The following MAP3K6 variants were observed in gnomAD, a reference collection of about 807,000 sequenced individuals.
MAP3K6 encodes the protein apoptosis signal-regulating kinase 2.
Under a neutral mutation model 147.1 loss-of-function variants are expected in MAP3K6, and 105 were observed. The observed-to-expected ratio is 0.71, with a 90% CI of 0.61 to 0.84. MAP3K6 has a LOEUF of 0.84. MAP3K6 is among the 40% of genes least tolerant of loss of function. MAP3K6 has a pLI of 0.00. For synonymous variants in MAP3K6, 695 were observed against 732.4 expected (o/e 0.95, Z 0.82); for missense variants, 1,569 against 1,715.0 (o/e 0.91, Z 1.50).
chr1:27,363,971 C>G lies in MAP3K6; in HGVS notation c.810G>C (p.Glu270Asp). Reference protein sequence around the residue: ...ARLQRRLDSVELLSPDIIMNL... With the variant: ...ARLQRRLDSVDLLSPDIIMNL... Reference sequence around the variant, plus strand: ...TCATGATGATGTCGGGGCTCAGCAGCTCCACGCTGTCCAGTCTCCGCTGCA... The same window carrying G: ...TCATGATGATGTCGGGGCTCAGCAGGTCCACGCTGTCCAGTCTCCGCTGCA... The change falls in exon 5 of 29, where the codon GAG (glutamate) becomes GAC (aspartate). Residue 270 changes from glutamate to aspartate, a missense_variant. Physicochemically the swap from Glu to Asp is conservative, Grantham distance 45. Transcript: ENST00000357582. 1 of 1,610,232 alleles carries G rather than the reference C, an allele frequency of 6.2e-7. No homozygotes were observed. Among genetic ancestry groups the G allele is most frequent in the Non-Finnish European group, 8.5e-7 (1 of 1,179,804 alleles).
At position 27,364,623 on chromosome 1, in the gene MAP3K6, C is replaced by T. The variant is rs764180606; in HGVS notation, c.504+38G>A. 17 of 1,613,992 alleles carry T rather than the reference C, an allele frequency of 1.1e-5. No homozygotes were observed. The highest frequency in any genetic ancestry group is 8.5e-7 in the Non-Finnish European group (1 of 1,180,002). On this transcript the variant is annotated intron_variant, in intron 3 of 28. Coordinates refer to ENST00000357582, the MANE Select transcript of MAP3K6 (RefSeq NM_004672.5). This position sits in a 1 kb window ranked among gnomAD's most constrained non-coding sequence, Gnocchi z 4.4. ...GGAGGTCAGAGGTCATAGCGGAAGT[C>T]AAAGGGCACTTTTGAGTGAGAGGTG...
intron 24 of MAP3K6, 74 bp downstream of exon 24, chr1:27,356,935 C>T (rs1402161763): frequency 2.6e-6 from 4 of 1,512,980 alleles, no homozygotes; most frequent in African/African-American, 1.4e-5. Flanking sequence ...CCCCACCGGC[C>T]CCATTCGATG....
rs745966999 is a variant in MAP3K6, at chr1:27,355,675, C to T, written c.3782G>A (p.Arg1261His). The change falls in exon 28 of 29, where the codon CGC (arginine) becomes CAC (histidine). Residue 1261 changes from arginine (R) to histidine (H), a missense_variant. By Grantham distance (29) the Arg-to-His change is conservative. Coordinates refer to ENST00000357582, the MANE Select transcript of MAP3K6 (RefSeq NM_004672.5). Reference protein sequence around the residue: ...YATRDDLIYTRIRGGMVCRIW... With the variant: ...YATRDDLIYTHIRGGMVCRIW... ...TGGGGGGCCCAGGATGTACCTGATG[C>T]GGGTGTAGATGAGGTCATCTCGAGT... 10 of 1,613,440 alleles carry T rather than the reference C, an allele frequency of 6.2e-6. No individual in the cohort carries two copies. Among genetic ancestry groups the T allele is most frequent in the Middle Eastern group, 1.7e-4 (1 of 5,724 alleles).
At position 27,366,347 on chromosome 1, in the gene MAP3K6, C is replaced by CG; in HGVS notation, c.250dup (p.Arg84ProfsTer54). On this transcript the variant is annotated frameshift_variant, in exon 1 of 29. Coordinates refer to ENST00000357582, the MANE Select transcript of MAP3K6 (RefSeq NM_004672.5). LOFTEE classifies it high-confidence loss of function. The surrounding 1 kb of genome is among the most constrained non-coding windows in gnomAD (Gnocchi z 5.5). ...GCGCAGCTGCGGGGGCGGCCGCGGC[C>CG]GGGGGACCTGCGCGCAAGCCTCGCG... 7.8e-7 allele frequency: 1 copy of CG among 1,285,072 alleles called. No individual in the cohort carries two copies. Among genetic ancestry groups the CG allele is most frequent in the Non-Finnish European group, 9.8e-7 (1 of 1,017,644 alleles). 79.6% of individuals were successfully genotyped at this position (1,285,072 alleles called of 1,614,324 possible). A position where few individuals can be genotyped will look rare whatever the true frequency, so the allele number is the denominator to read the frequency against.
chr1:27,356,406 G>A lies in MAP3K6; in HGVS notation c.3619C>T (p.Leu1207=), dbSNP rs2015522749. The change falls in exon 26 of 29, where the codon CTG becomes TTG. Residue 1207 remains leucine, a synonymous_variant. Transcript: ENST00000357582. ...CACTCACTTGGAGGCTCTGGGGCCA[G>A]GACATAGGTCCGGGCTTCCTCATTC... ...RLNEEARTYV[L]APEPPTALST... 1.2e-6 allele frequency: 2 copies of A among 1,611,340 alleles called. No individual in the cohort carries two copies. The highest frequency in any genetic ancestry group is 1.3e-5 in the African/African-American group (1 of 74,920).
intron 5 of MAP3K6, 128 bp downstream of exon 5, chr1:27,363,789 C>T (rs1557566575): frequency 2.0e-6 from 2 of 986,374 alleles, no homozygotes; most frequent in East Asian, 2.6e-5. Flanking sequence ...ATAAGGAGGC[C>T]AACACTCAGA....
At position 27,360,194 on chromosome 1, in the gene MAP3K6, C is replaced by T; in HGVS notation, c.2182+47G>A. The stretch of plus-strand genomic sequence containing the variant: ...TCTCTACCCCTGCCTGCCTCGGTCC[C>T]ATGCTTCACACCTCGGTTTCATTCC... On this transcript the variant is annotated intron_variant, in intron 16 of 28. Coordinates refer to ENST00000357582, the MANE Select transcript of MAP3K6 (RefSeq NM_004672.5). The surrounding 1 kb of genome is among the most constrained non-coding windows in gnomAD (Gnocchi z 4.5). The T allele has an allele frequency of 6.2e-7, 1 of 1,608,786 alleles. No homozygotes were observed.
Position 27,355,353 on chromosome 1 carries a change from C to G in MAP3K6, c.*38G>C. 2 of 1,576,480 alleles carry G rather than the reference C, an allele frequency of 1.3e-6. No homozygotes were observed. Among genetic ancestry groups the G allele is most frequent in the Non-Finnish European group, 1.7e-6 (2 of 1,145,748 alleles). On this transcript the variant is annotated 3_prime_UTR_variant, in exon 29 of 29. Coordinates refer to ENST00000357582, the MANE Select transcript of MAP3K6 (RefSeq NM_004672.5). ...CCTTTGTCCTCTCCATTCATCCATC[C>G]TTGGGCCTGTCTGGCCTATGATGCC...
intron 6 of MAP3K6, 105 bp downstream of exon 6, chr1:27,363,337 T>C (rs1345373446): frequency 1.2e-6 from 1 of 858,554 alleles, no homozygotes; most frequent in Non-Finnish European, 1.7e-6. Flanking sequence ...GGTCAGCAAA[T>C]TCCCCGAACA....
In MAP3K6 at chr1:27,355,712, G is replaced by C. The variant is rs1230632028; in HGVS notation, c.3745C>G (p.Leu1249Val). ...AGGTCATCTCGAGTGGCATAGGTGA[G>C]CAGAGTGTGGAGGGTGAAGCTATGG... is the stretch of plus-strand genomic sequence containing the variant. Reference protein sequence around the residue: ...LNHSFTLHTLLTYATRDDLIY... With the variant: ...LNHSFTLHTLVTYATRDDLIY... The change falls in exon 28 of 29, where the codon CTC becomes GTC. Residue 1249 changes from leucine (L) to valine (V), a missense_variant. By Grantham distance (32) the Leu-to-Val change is conservative. Coordinates refer to ENST00000357582, the MANE Select transcript of MAP3K6 (RefSeq NM_004672.5). The C allele has an allele frequency of 2.5e-6, 4 of 1,613,132 alleles. No homozygotes were observed. The highest frequency in any genetic ancestry group is 3.4e-6 in the Non-Finnish European group (4 of 1,179,732).
intron 5 of MAP3K6, 66 bp from the exon 6 acceptor site, chr1:27,363,614 G>T: frequency 7.8e-7 from 1 of 1,290,250 alleles, no homozygotes; most frequent in Non-Finnish European, 1.1e-6. Flanking sequence ...TTGAGCCAGG[G>T]TCCTGTCCCA....
In MAP3K6 at chr1:27,362,141, G is replaced by A; in HGVS notation, c.1365C>T (p.Thr455=). The A allele has an allele frequency of 6.2e-7, 1 of 1,613,744 alleles. No individual in the cohort carries two copies. Among genetic ancestry groups the A allele is most frequent in the Non-Finnish European group, 8.5e-7 (1 of 1,179,956 alleles). The change falls in exon 9 of 29, where the codon ACC becomes ACT. Residue 455 remains threonine, a synonymous_variant. Coordinates refer to ENST00000357582, the MANE Select transcript of MAP3K6 (RefSeq NM_004672.5). ...LGAQILANDP[T]QVVLAAEQLY... is the part of the protein sequence containing the mutation. ...GCTGCTCTGCAGCCAGCACCACCTG[G>A]GTGGGGTCATTGGCGAGGATCTGGG...
rs918764244 is a variant in MAP3K6 at position 27,358,701 on chromosome 1, G to A, written c.2583+8C>T. 3.1e-6 allele frequency: 5 copies of A among 1,613,746 alleles called. No homozygotes were observed. The East Asian group carries it at 8.9e-5, about 29-fold the overall frequency. On this transcript the variant is annotated splice_region_variant and intron_variant, in intron 19 of 28. Transcript: ENST00000357582. This position sits in a 1 kb window ranked among gnomAD's most constrained non-coding sequence, Gnocchi z 6.2. ...CACTTCCATGGGCCAGGCCCAAAGAGGTCTCACCTGAAACATGGCAGCCTG... is the reference window on the plus strand; with the variant it reads ...CACTTCCATGGGCCAGGCCCAAAGAAGTCTCACCTGAAACATGGCAGCCTG...
rs1287721038 is a variant in MAP3K6, at chr1:27,359,543, G to A, written c.2320-21C>T. The A allele has an allele frequency of 2.5e-6, 4 of 1,613,798 alleles. No individual in the cohort carries two copies. Among genetic ancestry groups the A allele is most frequent in the Non-Finnish European group, 3.4e-6 (4 of 1,179,968 alleles). On this transcript the variant is annotated intron_variant, in intron 17 of 28. Coordinates refer to ENST00000357582, the MANE Select transcript of MAP3K6 (RefSeq NM_004672.5). The surrounding 1 kb of genome is among the most constrained non-coding windows in gnomAD (Gnocchi z 4.4). ...TCCCCCTGATTGACAGCCATTAGTG[G>A]ACACTGGTCTGGGCCCCTGCCAGCA... is the stretch of plus-strand genomic sequence containing the variant.
At position 27,359,882 on chromosome 1, in the gene MAP3K6, G is replaced by A. The variant is rs138787990; in HGVS notation, c.2295C>T (p.Asn765=). ...CTTTTATGTCCCTGTGCACGATGTG[G>A]TTGTCGTGCAAGTAGCCAAGTCCCT... ...ILQGLGYLHD[N]HIVHRDIKGD... Residue 765 remains asparagine, a synonymous_variant, in exon 17 of 29, where the codon AAC becomes AAT. Transcript: ENST00000357582. This position sits in a 1 kb window ranked among gnomAD's most constrained non-coding sequence, Gnocchi z 4.4. The A allele has an allele frequency of 8.7e-6, 14 of 1,614,048 alleles. No individual in the cohort carries two copies. The African/African-American group carries it at 1.3e-4, about 15-fold the overall frequency.
Position 27,361,513 on chromosome 1 carries a change from A to T in MAP3K6, c.1686+7T>A. ...AGGTGAGTGAGGGGCCTCAGCAGCG[A>T]CTTCACCTGGGTCTCAGGCTCCAGC... On this transcript the variant is annotated splice_region_variant and intron_variant, in intron 11 of 28. Coordinates refer to ENST00000357582, the MANE Select transcript of MAP3K6 (RefSeq NM_004672.5). The T allele has an allele frequency of 3.7e-6, 6 of 1,614,026 alleles. No homozygotes were observed. The highest frequency in any genetic ancestry group is 5.1e-6 in the Non-Finnish European group (6 of 1,179,952).
At position 27,364,123 on chromosome 1, in the gene MAP3K6, G is replaced by A. The variant is rs199972143; in HGVS notation, c.696-38C>T. 15 of 1,604,144 alleles carry A rather than the reference G, an allele frequency of 9.4e-6. No homozygotes were observed. In the East Asian group the frequency reaches 1.8e-4, roughly 19 times the overall value. On this transcript the variant is annotated intron_variant, in intron 4 of 28. Transcript: ENST00000357582. This position sits in a 1 kb window ranked among gnomAD's most constrained non-coding sequence, Gnocchi z 4.4. ...GTAGGGGAGGCAGGGAGAGAGAATG[G>A]TGGGGCCTGTACCTCAGCCCCAGCC... is the stretch of plus-strand genomic sequence containing the variant.
At position 27,356,019 on chromosome 1, in the gene MAP3K6, G is replaced by A. The variant is rs375091053; in HGVS notation, c.3711+7C>T. On this transcript the variant is annotated splice_region_variant and intron_variant, in intron 27 of 28. Coordinates refer to ENST00000357582, the MANE Select transcript of MAP3K6 (RefSeq NM_004672.5). ...GGTCAGGGATAGCCAAGCACTCCCC[G>A]ACTCACCATTTGGATGGTGCCTGAA... 21 of 1,613,636 alleles carry A rather than the reference G, an allele frequency of 1.3e-5. No homozygotes were observed. The African/African-American group carries it at 1.3e-4, about 10-fold the overall frequency.
chr1:27,358,506 C>A lies in MAP3K6; in HGVS notation c.2689G>T (p.Ala897Ser). ...AAGGGGTCCCCCAGCAGTGTCTGGG[C>A]GCTGGCTCGGAGGCGGGGGTCTGGC... Reference protein sequence around the residue: ...FEPDPRLRASAQTLLGDPFLQ... With the variant: ...FEPDPRLRASSQTLLGDPFLQ... Residue 897 changes from alanine (A) to serine (S), a missense_variant, in exon 20 of 29, where the codon GCC becomes TCC. Transcript: ENST00000357582. The surrounding 1 kb of genome is among the most constrained non-coding windows in gnomAD (Gnocchi z 6.2). 1.9e-6 allele frequency: 3 copies of A among 1,604,854 alleles called. No individual in the cohort carries two copies. Among genetic ancestry groups the A allele is most frequent in the Non-Finnish European group, 2.5e-6 (3 of 1,177,370 alleles).
Sources: allele counts gnomAD v4.1 joint callset, GRCh38; gene constraint gnomAD v4.1.1; non-coding constraint Gnocchi (gnomAD v3.1); transcripts MANE v1.5; gene names NCBI Gene and HGNC (gene_info 2026-07-23, HGNC 2026-07-21).